GALNT13: variants seen among roughly 807,000 people sequenced by gnomAD.
GALNT13 encodes the protein UDP-GalNAc:polypeptide N-acetylgalactosaminyltransferase 13.
In GALNT13, 28 loss-of-function variants were observed where a neutral mutation model predicts 64.2. The ratio of observed to expected loss-of-function variants is 0.44; its 90% confidence interval spans 0.32 to 0.60. GALNT13 has a LOEUF of 0.60. Ranked by LOEUF, GALNT13 falls within the 20% of genes least tolerant of loss-of-function variation. GALNT13 has a pLI of 0.05. For synonymous variants in GALNT13, 214 were observed against 224.6 expected (o/e 0.95, Z 0.42); for missense variants, 577 against 669.8 (o/e 0.86, Z 1.53).
chr2:153,275,800 G>T, the GALNT13 span, among the ~76,000 whole-genome samples: 4 of 151,742 alleles, frequency 2.6e-5, no homozygotes, highest in Admixed American at 2.6e-4. Context: ...TTTTTCCATG[G>T]CAGATTACAA....
the GALNT13 span, among the ~76,000 whole-genome samples, chr2:153,103,524 T>A: frequency 6.6e-6 from 1 of 152,242 alleles, no homozygotes; most frequent in Non-Finnish European, 1.5e-5. Flanking sequence ...ATATGGAATT[T>A]TAAGAAGATT....
the GALNT13 span, among the ~76,000 whole-genome samples, chr2:153,572,430 T>C: frequency 1.0e-3 from 154 of 151,878 alleles, no homozygotes; most frequent in African/African-American, 3.6e-3. Context: ...TTTTGTACTT[T>C]CAATTTTATT....
intron 9 of GALNT13, among the ~76,000 whole-genome samples, chr2:154,369,719 C>G (rs1343855605): frequency 1.3e-5 from 2 of 152,158 alleles, no homozygotes; most frequent in East Asian, 3.9e-4. Context: ...GCTGCTATAA[C>G]AGAATACCAT....
chr2:153,134,091 G>A, the GALNT13 span, among the ~76,000 whole-genome samples: 9 of 152,124 alleles, frequency 5.9e-5, no homozygotes, highest in African/African-American at 2.2e-4. Context: ...AATGGGCAGA[G>A]CACCCCTTCC....
At chr2:154,326,976 A>G (rs1574092423) in intron 9 of GALNT13, among the ~76,000 whole-genome samples, 1 of 152,036 alleles carries the variant, frequency 6.6e-6, no homozygotes, top group African/African-American at 2.4e-5. Context: ...ATTATTTCTT[A>G]GAGGTCTGAT....
chr2:154,245,867 A>G lies in GALNT13; in HGVS notation c.742A>G (p.Met248Val), dbSNP rs745972504. The G allele has an allele frequency of 5.0e-6, 8 of 1,612,972 alleles. No individual in the cohort carries two copies. Among genetic ancestry groups the G allele is most frequent in the Non-Finnish European group, 5.9e-6 (7 of 1,179,248 alleles). The part of the protein sequence containing the change: ...DVISDDTFEY[M>V]AGSDMTYGGF... ...GATTAGTGATGATACTTTTGAATAT[A>G]TGGCTGGGTCAGACATGACTTATGG... The change falls in exon 7 of 13, where the codon ATG becomes GTG. Residue 248 changes from methionine (M) to valine (V), a missense_variant. Coordinates refer to ENST00000392825, the MANE Select transcript of GALNT13 (RefSeq NM_052917.4).
At chr2:153,086,727 ATTT>A in the GALNT13 span, among the ~76,000 whole-genome samples, 1 of 151,100 alleles carries the variant, frequency 6.6e-6, no homozygotes, top group Middle Eastern at 3.4e-3. Flanking sequence ...ATTTTATTTT[ATTT>A]TATTTTATTT....
chr2:153,569,205 A>G, the GALNT13 span, among the ~76,000 whole-genome samples: 2 of 152,106 alleles, frequency 1.3e-5, no homozygotes, highest in African/African-American at 4.8e-5. Flanking sequence ...AACTTATTCT[A>G]TATTCTTGTC....
chr2:154,261,329 C>A (rs1481505283), intron 8 of GALNT13, among the ~76,000 whole-genome samples: 1 of 152,090 alleles, frequency 6.6e-6, no homozygotes, highest in African/African-American at 2.4e-5. Flanking sequence ...GTATTATTAT[C>A]TTTAGTTTCC....
chr2:154,410,746 A>G (rs2105396687), intron 11 of GALNT13, among the ~76,000 whole-genome samples: 1 of 151,994 alleles, frequency 6.6e-6, no homozygotes, highest in East Asian at 1.9e-4. Context: ...CTTATGGCAA[A>G]AAAAATCAGC....
chr2:153,747,027 A>T, the GALNT13 span, among the ~76,000 whole-genome samples: 2 of 150,558 alleles, frequency 1.3e-5, no homozygotes, highest in South Asian at 4.2e-4. Context: ...GTCTTCTCCA[A>T]CTCTCTGGGT....
chr2:154,178,404 C>T (rs1182679435), intron 4 of GALNT13, among the ~76,000 whole-genome samples: 1 of 100,290 alleles, frequency 1.0e-5, no homozygotes, highest in Non-Finnish European at 1.9e-5. Flanking sequence ...CATCACACAC[C>T]GGGGACTGTT....
chr2:154,195,709 TTTTGAA>T (rs1686841246), intron 4 of GALNT13, among the ~76,000 whole-genome samples: 1 of 151,862 alleles, frequency 6.6e-6, no homozygotes, highest in Non-Finnish European at 1.5e-5. Flanking sequence ...CCTCTTCAAA[TTTTGAA>T]AAAAAAAATA....
intron 3 of GALNT13, among the ~76,000 whole-genome samples, chr2:154,128,641 T>C (rs971762340): frequency 1.3e-5 from 2 of 152,094 alleles, no homozygotes; most frequent in African/African-American, 4.8e-5. Context: ...GGGGTGATGG[T>C]AGGAGGCGGG....
chr2:153,680,032 A>G, the GALNT13 span, among the ~76,000 whole-genome samples: 2 of 152,046 alleles, frequency 1.3e-5, no homozygotes, highest in East Asian at 3.9e-4. Context: ...ATATTGTTTC[A>G]TATATTTGTC....
At chr2:153,726,052 C>A in the GALNT13 span, among the ~76,000 whole-genome samples, 1 of 151,770 alleles carries the variant, frequency 6.6e-6, no homozygotes, top group Non-Finnish European at 1.5e-5. Flanking sequence ...ATTTTAATGC[C>A]AACATAATCT....
At chr2:153,740,573 T>G in the GALNT13 span, among the ~76,000 whole-genome samples, 1 of 152,052 alleles carries the variant, frequency 6.6e-6, no homozygotes, top group Non-Finnish European at 1.5e-5. Flanking sequence ...TCTTATTAAA[T>G]TTTTCTGTAC....
At chr2:154,235,448 A>C (rs1009108432) in intron 4 of GALNT13, among the ~76,000 whole-genome samples, 4 of 152,124 alleles carry the variant, frequency 2.6e-5, no homozygotes, top group Non-Finnish European at 1.5e-5. Flanking sequence ...TTGGTTGCCC[A>C]AGTTTTGTTT....
the GALNT13 span, among the ~76,000 whole-genome samples, chr2:153,701,736 A>G: frequency 6.4e-4 from 97 of 152,328 alleles, no homozygotes; most frequent in Admixed American, 2.0e-3. Flanking sequence ...AAAAACCTCA[A>G]CATCACTAAT....
Sources: allele counts gnomAD v4.1 joint callset (sites outside exome capture counted in the v4.1 genomes callset), GRCh38; gene constraint gnomAD v4.1.1; transcripts MANE v1.5; gene names NCBI Gene and HGNC (gene_info 2026-07-23, HGNC 2026-07-21).